Variants in CATSPERT observed in about 807,000 individuals in gnomAD.
The protein encoded by CATSPERT is cation channel sperm-associated targeting subunit tau.
At chr2:201,596,705 G>T in the CATSPERT span, among the ~76,000 whole-genome samples, 1 of 151,978 alleles carries the variant, frequency 6.6e-6, no homozygotes, top group Non-Finnish European at 1.5e-5. Context: ...GAATGATTTT[G>T]ATTGACCAGT....
chr2:201,593,361 T>C, the CATSPERT span, among the ~76,000 whole-genome samples: 1 of 151,950 alleles, frequency 6.6e-6, no homozygotes, highest in Non-Finnish European at 1.5e-5. Context: ...TTGTTATAAT[T>C]TCTGTTCTTT....
At chr2:201,614,571 G>A in the CATSPERT span, among the ~76,000 whole-genome samples, 1 of 152,172 alleles carries the variant, frequency 6.6e-6, no homozygotes. Context: ...ACTAAACGTG[G>A]AAAGGAACAA....
chr2:201,591,154 T>C, the CATSPERT span, among the ~76,000 whole-genome samples: 6 of 152,226 alleles, frequency 3.9e-5, no homozygotes, highest in Non-Finnish European at 7.3e-5. Context: ...CTTGAATTGA[T>C]TTTTGTATAA....
chr2:201,617,387 C>A, the CATSPERT span, among the ~76,000 whole-genome samples: 1 of 152,038 alleles, frequency 6.6e-6, no homozygotes, highest in Non-Finnish European at 1.5e-5. Context: ...AGAATAGAGC[C>A]CCCGGAAATA....
chr2:201,509,814 C>T, the CATSPERT span, among the ~76,000 whole-genome samples: 4 of 150,776 alleles, frequency 2.7e-5, no homozygotes, highest in South Asian at 2.1e-4. Context: ...AAATATGGAG[C>T]AGCTATTATA....
the CATSPERT span, among the ~76,000 whole-genome samples, chr2:201,591,664 T>A: frequency 2.6e-5 from 4 of 152,196 alleles, no homozygotes; most frequent in African/African-American, 9.7e-5. Context: ...ATTTCCTTGC[T>A]CAGTAGTTTG....
chr2:201,615,848 G>C, the CATSPERT span, among the ~76,000 whole-genome samples: 22 of 152,038 alleles, frequency 1.4e-4, no homozygotes, highest in African/African-American at 5.1e-4. Context: ...GAATCAAATA[G>C]ACACAGTAAA....
At chr2:201,544,253 T>C in the CATSPERT span, among the ~76,000 whole-genome samples, 5 of 152,298 alleles carry the variant, frequency 3.3e-5, no homozygotes, top group East Asian at 9.6e-4. Flanking sequence ...TAATCCAGTC[T>C]ATCATTGTTG....
chr2:201,609,726 T>C, the CATSPERT span, among the ~76,000 whole-genome samples: 132,397 of 152,228 alleles, frequency 0.87, 58,781 homozygotes, highest in South Asian at 0.98. Flanking sequence ...TAAGCACCTA[T>C]ATCAAAGAAG....
the CATSPERT span, among the ~76,000 whole-genome samples, chr2:201,498,767 T>C: frequency 6.6e-6 from 1 of 152,078 alleles, no homozygotes; most frequent in Non-Finnish European, 1.5e-5. Flanking sequence ...CCCCTCTCTT[T>C]CTCTGTGCAC....
chr2:201,518,299 C>G, the CATSPERT span, among the ~76,000 whole-genome samples: 1 of 152,268 alleles, frequency 6.6e-6, no homozygotes, highest in African/African-American at 2.4e-5. Flanking sequence ...CCAGATAGAC[C>G]CAATAAACTT....
the CATSPERT span, chr2:201,574,079 C>T: frequency 4.9e-5 from 26 of 533,562 alleles, no homozygotes; most frequent in African/African-American, 3.6e-4. Context: ...ACCTCAAAGT[C>T]GGGAGGTAAA....
At chr2:201,575,141 A>G in the CATSPERT span, 2 of 612,362 alleles carry the variant, frequency 3.3e-6, no homozygotes, top group South Asian at 1.0e-4. Flanking sequence ...ATACATTTCT[A>G]CTATTTCAAA....
chr2:201,581,546 G>GTATATATA, the CATSPERT span, among the ~76,000 whole-genome samples: 3 of 14,724 alleles, frequency 2.0e-4, no homozygotes, highest in Non-Finnish European at 3.5e-4. Context: ...AAAAAAATGT[G>GTATATATA]TGTATATATA....
the CATSPERT span, chr2:201,575,430 G>T: frequency 1.4e-6 from 1 of 731,766 alleles, no homozygotes; most frequent in Non-Finnish European, 2.0e-6. Flanking sequence ...ACTGGTGCTG[G>T]TCCATGGCCC....
the CATSPERT span, among the ~76,000 whole-genome samples, chr2:201,519,606 G>A: frequency 6.6e-6 from 1 of 151,890 alleles, no homozygotes; most frequent in African/African-American, 2.4e-5. Context: ...AGGATTCAAT[G>A]AAATCAGGGG....
chr2:201,531,103 G>A, the CATSPERT span, among the ~76,000 whole-genome samples: 1 of 151,808 alleles, frequency 6.6e-6, no homozygotes, highest in Admixed American at 6.6e-5. Context: ...TGGGACTACA[G>A]GCGCCCGCCA....
At chr2:201,566,735 G>GC in the CATSPERT span, among the ~76,000 whole-genome samples, 1 of 152,212 alleles carries the variant, frequency 6.6e-6, no homozygotes, top group Non-Finnish European at 1.5e-5. Flanking sequence ...TGGGATGGCT[G>GC]GGTCAAATGG....
At chr2:201,612,912 C>A in the CATSPERT span, among the ~76,000 whole-genome samples, 1,723 of 152,318 alleles carry the variant, frequency 0.011, 24 homozygotes, top group African/African-American at 0.031. Flanking sequence ...TATCCCATGC[C>A]TGGCTTGGAA....
Sources: gnomAD v4.1 joint callset for allele counts (sites outside exome capture counted in the v4.1 genomes callset) on GRCh38, gnomAD v4.1.1 for gene constraint, MANE v1.5 for transcripts, NCBI Gene and HGNC (gene_info 2026-07-23, HGNC 2026-07-21) for gene names.